Variants in SYNE2 observed in about 807,000 individuals in gnomAD.
The protein encoded by SYNE2 is nesprin-2.
Under a neutral mutation model 856.3 loss-of-function variants are expected in SYNE2, and 431 were observed. That is an observed-to-expected ratio of 0.50 (90% CI 0.47 to 0.55). The LOEUF is 0.55. Ranked by LOEUF, SYNE2 falls within the 20% of genes least tolerant of loss-of-function variation. The pLI, the probability that SYNE2 is intolerant of heterozygous loss-of-function variation, is 0.00. For synonymous variants in SYNE2, 2,923 were observed against 2,872.3 expected, an observed-to-expected ratio of 1.02 and a Z score of -0.56; for missense variants, 8,129 against 8,023.2, an observed-to-expected ratio of 1.01 and a Z score of -0.50.
chr14:63,945,998 A>G (rs1022352194), intron 6 of SYNE2, among the ~76,000 whole-genome samples: 10 of 152,228 alleles, frequency 6.6e-5, no homozygotes, highest in African/African-American at 1.4e-4. Context: ...ACTGCCAAAC[A>G]GTTAATCAAA....
At position 64,225,992 on chromosome 14, in the gene SYNE2, A is replaced by G. The variant is rs1010305623; in HGVS notation, c.*466A>G. 3 of 253,626 alleles carry G rather than the reference A, an allele frequency of 1.2e-5. No homozygotes were observed. Among genetic ancestry groups the G allele is most frequent in the East Asian group, 1.7e-4 (2 of 11,690 alleles). The allele number at this position is 253,626 out of a possible 1,614,324, so 15.7% of individuals were successfully genotyped here. A position where few individuals can be genotyped will look rare whatever the true frequency, so the allele number is the denominator to read the frequency against. ...ACAATCAATCATATTTAATACGCTT[A>G]GAATCAGTTTTACTCCAATCAGCTG... On this transcript the variant is annotated 3_prime_UTR_variant, in exon 116 of 116. Coordinates refer to ENST00000555002, the MANE Select transcript of SYNE2 (RefSeq NM_182914.3).
At chr14:63,858,296 A>ATTTTTTTTTTTTT (rs1892464817) in intron 1 of SYNE2, among the ~76,000 whole-genome samples, 4 of 37,462 alleles carry the variant, frequency 1.1e-4, no homozygotes, top group South Asian at 1.0e-3. Flanking sequence ...TTTTTTTTTG[A>ATTTTTTTTTTTTT]TTTTTAGTAG....
At chr14:64,213,318 CT>C (rs1316402531) in intron 105 of SYNE2, among the ~76,000 whole-genome samples, 1 of 152,178 alleles carries the variant, frequency 6.6e-6, no homozygotes, top group African/African-American at 2.4e-5. Context: ...TTGAAGAACT[CT>C]TCTGGCTTTT....
Position 64,214,287 on chromosome 14 carries a change from A to C in SYNE2, c.19150A>C (p.Ser6384Arg). The C allele has an allele frequency of 6.2e-7, 1 of 1,613,996 alleles. No homozygotes were observed. Among genetic ancestry groups the C allele is most frequent in the Admixed American group, 1.7e-5 (1 of 59,994 alleles). The change falls in exon 106 of 116, where the codon AGC becomes CGC. Residue 6384 changes from serine (S) to arginine (R), a missense_variant. Physicochemically the swap from Ser to Arg is moderately radical, Grantham distance 110 (BLOSUM62 -1). Coordinates refer to ENST00000555002, the MANE Select transcript of SYNE2 (RefSeq NM_182914.3). Reference protein sequence around the residue: ...QTDSWRKRGESEEPSSPQSLC... With the variant: ...QTDSWRKRGEREEPSSPQSLC... The stretch of plus-strand genomic sequence containing the variant: ...TGATTCTTGGCGTAAACGGGGAGAG[A>C]GCGAGGAACCGTCATCTCCTCAGTC...
intron 1 of SYNE2, among the ~76,000 whole-genome samples, chr14:63,872,770 A>G (rs1897171106): frequency 6.6e-6 from 1 of 151,564 alleles, no homozygotes; most frequent in Non-Finnish European, 1.5e-5. Context: ...TCAAAAAAAA[A>G]AAAAAAAAAA....
chr14:63,943,879 C>G (rs2095969987), intron 6 of SYNE2, among the ~76,000 whole-genome samples: 1 of 151,778 alleles, frequency 6.6e-6, no homozygotes, highest in South Asian at 2.1e-4. Context: ...CCATGTTGCT[C>G]AGGCTGGTAT....
At chr14:63,857,974 C>T (rs2140100217) in intron 1 of SYNE2, among the ~76,000 whole-genome samples, 1 of 152,198 alleles carries the variant, frequency 6.6e-6, no homozygotes, top group Non-Finnish European at 1.5e-5. Context: ...AATTTATTGG[C>T]TCATGGTTCT....
chr14:64,220,339 GAA>G lies in SYNE2; in HGVS notation c.19861-95_19861-94del, dbSNP rs749747955. 479 of 1,354,344 alleles carry G rather than the reference GAA, an allele frequency of 3.5e-4. 2 individuals carry two copies. Among genetic ancestry groups the G allele is most frequent in the Middle Eastern group, 4.2e-4 (2 of 4,762 alleles). The allele number at this position is 1,354,344 out of a possible 1,614,324, so 83.9% of individuals were successfully genotyped here. A position where few individuals can be genotyped will look rare whatever the true frequency, so the allele number is the denominator to read the frequency against. The stretch of plus-strand genomic sequence containing the variant: ...CTCTCATTTCTGTGGCCGCAGCTTG[GAA>G]AAGTGTGTGGAAAATTTGTTCCCTA... On this transcript the variant is annotated intron_variant, in intron 110 of 115. Transcript: ENST00000555002.
chr14:64,188,955 A>G (rs927861745), intron 98 of SYNE2: 2 of 703,040 alleles, frequency 2.8e-6, no homozygotes, highest in Non-Finnish European at 5.2e-6. Context: ...TCTCCATTAG[A>G]AAGTTTCACC....
chr14:63,996,078 A>T (rs1023969270), intron 23 of SYNE2, among the ~76,000 whole-genome samples: 3 of 152,064 alleles, frequency 2.0e-5, no homozygotes, highest in Admixed American at 1.3e-4. Flanking sequence ...TTTTCGGAGA[A>T]CTCAAATTCA....
chr14:64,071,265 C>T (rs1366635599), intron 52 of SYNE2, among the ~76,000 whole-genome samples: 4 of 151,346 alleles, frequency 2.6e-5, no homozygotes, highest in African/African-American at 4.9e-5. Context: ...GAGGCTGAGG[C>T]GGGCAGATCA....
intron 1 of SYNE2, among the ~76,000 whole-genome samples, chr14:63,853,444 C>T (rs927223411): frequency 6.6e-5 from 10 of 151,482 alleles, no homozygotes; most frequent in Admixed American, 1.3e-4. Flanking sequence ...ACCTCCGGGC[C>T]CCAGCCCGCC....
At chr14:64,125,480 GGGATT>G (rs1450102149) in intron 71 of SYNE2, among the ~76,000 whole-genome samples, 1 of 152,172 alleles carries the variant, frequency 6.6e-6, no homozygotes, top group East Asian at 1.9e-4. Context: ...GTGGTGATCT[GGGATT>G]GGAAGGGTGA....
chr14:64,173,964 C>G (rs993399776), intron 94 of SYNE2: 1 of 695,986 alleles, frequency 1.4e-6, no homozygotes, highest in Admixed American at 2.1e-5. Flanking sequence ...ACTCTCTGCA[C>G]ACTGCCTGCG....
At chr14:64,106,742 T>C (rs1325224685) in intron 64 of SYNE2, among the ~76,000 whole-genome samples, 1 of 152,262 alleles carries the variant, frequency 6.6e-6, no homozygotes, top group Non-Finnish European at 1.5e-5. Context: ...CATATTATTT[T>C]ATTTTTTTAT....
chr14:63,971,227 T>C (rs1276140859), intron 11 of SYNE2, among the ~76,000 whole-genome samples: 3 of 151,334 alleles, frequency 2.0e-5, no homozygotes, highest in African/African-American at 7.3e-5. Flanking sequence ...TCCTCCCACC[T>C]CAGCTTTCTG....
intron 2 of SYNE2, among the ~76,000 whole-genome samples, chr14:63,929,829 G>C (rs1377442022): frequency 6.6e-6 from 1 of 151,744 alleles, no homozygotes; most frequent in Non-Finnish European, 1.5e-5. Flanking sequence ...GCATCAGGAT[G>C]AGCCAGCCAT....
chr14:64,038,271 T>C, intron 45 of SYNE2, among the ~76,000 whole-genome samples: 1 of 148,460 alleles, frequency 6.7e-6, no homozygotes, highest in South Asian at 2.1e-4. Context: ...GCTCCTCACT[T>C]CCTAGATGGG....
intron 1 of SYNE2, among the ~76,000 whole-genome samples, chr14:63,803,566 C>G (rs1050328784): frequency 6.6e-6 from 1 of 152,222 alleles, no homozygotes; most frequent in African/African-American, 2.4e-5. Flanking sequence ...GAGTGCGGGG[C>G]CCGCCAAGCC....
Sources: allele counts gnomAD v4.1 joint callset (sites outside exome capture counted in the v4.1 genomes callset), GRCh38; gene constraint gnomAD v4.1.1; transcripts MANE v1.5; gene names NCBI Gene and HGNC (gene_info 2026-07-23, HGNC 2026-07-21).